CEP112: variants seen among roughly 807,000 people sequenced by gnomAD.
The protein encoded by CEP112 is centrosomal protein 112.
Under a neutral mutation model 153.0 loss-of-function variants are expected in CEP112, and 127 were observed. The ratio of observed to expected loss-of-function variants is 0.83; its 90% CI spans 0.72 to 0.96. The LOEUF is 0.96. CEP112 is among the 40% of genes least tolerant of loss of function. The pLI, the probability that CEP112 is intolerant of heterozygous loss-of-function variation, is 0.00. For synonymous variants in CEP112, 358 were observed against 374.4 expected (o/e 0.96, Z 0.51); for missense variants, 1,089 against 1,101.2 (o/e 0.99, Z 0.16).
chr17:65,906,745 T>C (rs2060099205), intron 19 of CEP112, among the ~76,000 whole-genome samples: 1 of 152,188 alleles, frequency 6.6e-6, no homozygotes, highest in African/African-American at 2.4e-5. Context: ...TTGTTCTGTG[T>C]CTCACAGAAC....
intron 20 of CEP112, among the ~76,000 whole-genome samples, chr17:65,874,700 T>A (rs2058767257): frequency 6.6e-6 from 1 of 152,116 alleles, no homozygotes; most frequent in Non-Finnish European, 1.5e-5. Context: ...TTTGATTGAT[T>A]GCCACTAATA....
At chr17:65,660,196 C>CTTCCTTCCTTCT (rs1394767868) in intron 24 of CEP112, among the ~76,000 whole-genome samples, 9 of 136,636 alleles carry the variant, frequency 6.6e-5, no homozygotes, top group Non-Finnish European at 9.2e-5. Flanking sequence ...TCCTTCCTTC[C>CTTCCTTCCTTCT]TTCCTTCCTT....
chr17:65,907,571 G>A (rs1355846715), intron 19 of CEP112, among the ~76,000 whole-genome samples: 1 of 152,116 alleles, frequency 6.6e-6, no homozygotes, highest in Non-Finnish European at 1.5e-5. Context: ...CTAACTTCTG[G>A]ATGTCATGAG....
chr17:66,112,637 A>G (rs2069110657), intron 6 of CEP112, among the ~76,000 whole-genome samples: 2 of 152,012 alleles, frequency 1.3e-5, no homozygotes, highest in Non-Finnish European at 2.9e-5. Context: ...AAATGCGCAT[A>G]TTCTTCAGTA....
At chr17:66,051,557 C>T (rs2145917548) in intron 12 of CEP112, among the ~76,000 whole-genome samples, 1 of 152,238 alleles carries the variant, frequency 6.6e-6, no homozygotes, top group Admixed American at 6.5e-5. Flanking sequence ...CCACAACTGT[C>T]TGACCCTAAA....
chr17:66,052,706 G>T (rs995527593), intron 12 of CEP112, among the ~76,000 whole-genome samples: 1 of 151,916 alleles, frequency 6.6e-6, no homozygotes, highest in Admixed American at 6.6e-5. Context: ...TGGTCAGAGT[G>T]GTCACACTAC....
intron 25 of CEP112, among the ~76,000 whole-genome samples, chr17:65,640,137 C>CATATATATATATAT (rs762352624): frequency 5.4e-5 from 6 of 112,138 alleles, no homozygotes; most frequent in African/African-American, 2.0e-4. Flanking sequence ...TGCACCCGAC[C>CATATATATATATAT]ATATATATAT....
intron 4 of CEP112, among the ~76,000 whole-genome samples, chr17:66,165,552 A>G (rs2071917605): frequency 6.6e-6 from 1 of 152,250 alleles, no homozygotes; most frequent in African/African-American, 2.4e-5. Flanking sequence ...CAATTTCAGG[A>G]GGAGCAATTT....
rs751086870 is a variant in CEP112 at position 66,062,953 on chromosome 17, T to C, written c.1074+10A>G. 7.2e-7 allele frequency: 1 copy of C among 1,395,628 alleles called. No homozygotes were observed. Among genetic ancestry groups the C allele is most frequent in the East Asian group, 2.4e-5 (1 of 42,388 alleles). 86.5% of individuals were successfully genotyped at this position (1,395,628 alleles called of 1,614,324 possible). ...TTTTATGTTTTCCATTAGTATTTTA[T>C]GTAGCTTACCTTTTTTTCCCAGTCA... On this transcript the variant is annotated intron_variant, in intron 11 of 26. Coordinates refer to ENST00000535342, the MANE Select transcript of CEP112 (RefSeq NM_001199165.4).
chr17:66,059,593 A>C (rs2066841490), intron 11 of CEP112, among the ~76,000 whole-genome samples: 1 of 152,228 alleles, frequency 6.6e-6, no homozygotes, highest in Non-Finnish European at 1.5e-5. Flanking sequence ...CAAAACCACA[A>C]TGAGATACCA....
At chr17:65,681,176 T>C (rs1820580988) in intron 24 of CEP112, among the ~76,000 whole-genome samples, 1 of 152,192 alleles carries the variant, frequency 6.6e-6, no homozygotes, top group African/African-American at 2.4e-5. Context: ...GTGGATGCCA[T>C]GAAGATGACA....
chr17:65,684,034 C>T (rs1190883441), intron 24 of CEP112, among the ~76,000 whole-genome samples: 1 of 152,052 alleles, frequency 6.6e-6, no homozygotes, highest in Non-Finnish European at 1.5e-5. Flanking sequence ...AGCGAGACTC[C>T]ATCATTAAAA....
At chr17:66,082,163 G>A (rs1031713727) in intron 8 of CEP112, among the ~76,000 whole-genome samples, 3 of 152,092 alleles carry the variant, frequency 2.0e-5, no homozygotes, top group African/African-American at 7.2e-5. Context: ...TGTGTTGTCT[G>A]TTCTTTCATT....
chr17:65,853,037 T>G (rs1413131074), intron 20 of CEP112, among the ~76,000 whole-genome samples: 1 of 152,196 alleles, frequency 6.6e-6, no homozygotes, highest in Non-Finnish European at 1.5e-5. Context: ...TAGAAGTATG[T>G]TTCTTAATTC....
Position 65,731,214 on chromosome 17 carries a change from G to A in CEP112, c.2607+11854C>T, listed in dbSNP as rs145656144. Among the ~76,000 whole-genome samples the A allele has an allele frequency of 7.0e-4, 107 of 152,100 alleles. 2 individuals are homozygous for A. Among genetic ancestry groups the A allele is most frequent in the East Asian group, 2.3e-3 (12 of 5,144 alleles). On this transcript the variant is annotated intron_variant, in intron 23 of 26. Transcript: ENST00000535342. Reference sequence around the variant, plus strand: ...TGTTCTTAGATAATACAGGCATACCGCGGAGATACTCCAAGTTCAGTTCCT... The same window carrying A: ...TGTTCTTAGATAATACAGGCATACCACGGAGATACTCCAAGTTCAGTTCCT...
intron 12 of CEP112, among the ~76,000 whole-genome samples, chr17:66,049,225 T>A (rs1485569598): frequency 1.8e-5 from 1 of 55,576 alleles, no homozygotes; most frequent in Non-Finnish European, 4.2e-5. Context: ...TTTTCCCCAA[T>A]ATGCGTAAGA....
At chr17:65,856,966 T>A (rs1159069398) in intron 20 of CEP112, among the ~76,000 whole-genome samples, 1 of 152,222 alleles carries the variant, frequency 6.6e-6, no homozygotes, top group Non-Finnish European at 1.5e-5. Flanking sequence ...CACAGAGATA[T>A]TGTGTGTTTG....
At chr17:65,683,657 C>T (rs1301761698) in intron 24 of CEP112, among the ~76,000 whole-genome samples, 1 of 152,216 alleles carries the variant, frequency 6.6e-6, no homozygotes, top group Non-Finnish European at 1.5e-5. Flanking sequence ...CCTCTCCTTC[C>T]TTCCCATAGG....
At chr17:66,113,268 T>TAC (rs2069140776) in intron 6 of CEP112, among the ~76,000 whole-genome samples, 4 of 152,098 alleles carry the variant, frequency 2.6e-5, no homozygotes, top group African/African-American at 9.7e-5. Context: ...TATATACATA[T>TAC]ATTAGGTAAT....
Sources: allele counts gnomAD v4.1 joint callset (sites outside exome capture counted in the v4.1 genomes callset), GRCh38; gene constraint gnomAD v4.1.1; transcripts MANE v1.5; gene names NCBI Gene and HGNC (gene_info 2026-07-23, HGNC 2026-07-21).